CDH11: variants seen among roughly 807,000 people sequenced by gnomAD.
CDH11 encodes the protein cadherin-11.
CDH11 carries 11 observed loss-of-function variants against 67.8 expected under a neutral mutation model. That is an observed-to-expected ratio of 0.16 (90% confidence interval 0.10 to 0.27). The LOEUF is 0.27. Ranked by LOEUF, CDH11 falls within the 10% of genes least tolerant of loss-of-function variation. The pLI is 1.00. For synonymous variants in CDH11, 419 were observed against 400.0 expected (o/e 1.05, Z -0.57); for missense variants, 847 against 1,031.2 (o/e 0.82, Z 2.45).
intron 1 of CDH11, among the ~76,000 whole-genome samples, chr16:65,056,590 C>G (rs1254242054): frequency 6.6e-6 from 1 of 152,134 alleles, no homozygotes; most frequent in Non-Finnish European, 1.5e-5. Context: ...TATCCTTAAG[C>G]ACATATAACC....
chr16:65,001,363 A>C (rs2072915445), intron 3 of CDH11, among the ~76,000 whole-genome samples: 1 of 152,180 alleles, frequency 6.6e-6, no homozygotes, highest in Admixed American at 6.5e-5. Flanking sequence ...GAATTGCCCC[A>C]ATCTTCATTC....
intron 2 of CDH11, among the ~76,000 whole-genome samples, chr16:65,025,028 T>C (rs1457396230): frequency 6.6e-6 from 1 of 152,210 alleles, no homozygotes; most frequent in East Asian, 1.9e-4. Flanking sequence ...CCTGTCTCAG[T>C]CCAGCAGCAG....
intron 1 of CDH11, among the ~76,000 whole-genome samples, chr16:65,079,689 G>C (rs2074577127): frequency 6.6e-6 from 1 of 152,196 alleles, no homozygotes; most frequent in South Asian, 2.1e-4. Flanking sequence ...GTGTGCCCCA[G>C]TCACACCAGA....
chr16:65,085,417 C>A (rs1025152369), intron 1 of CDH11, among the ~76,000 whole-genome samples: 23 of 152,174 alleles, frequency 1.5e-4, no homozygotes, highest in African/African-American at 5.1e-4. Context: ...GTAATTATAC[C>A]TACCTCGTGG....
At chr16:65,068,044 A>G in intron 1 of CDH11, among the ~76,000 whole-genome samples, 1 of 107,124 alleles carries the variant, frequency 9.3e-6, no homozygotes, top group Non-Finnish European at 1.9e-5. Flanking sequence ...GGGAGGGAAG[A>G]AGGGAGGAAG....
intron 12 of CDH11, 118 bp from the exon 13 acceptor site, chr16:64,948,217 G>A: frequency 9.9e-6 from 13 of 1,318,260 alleles, no homozygotes; most frequent in Non-Finnish European, 1.3e-5. Flanking sequence ...ACAGGAAACA[G>A]TATAGGAAAT....
Position 64,946,448 on chromosome 16 carries a change from A to T in CDH11, c.*1155T>A. 1.9e-6 allele frequency: 2 copies of T among 1,032,710 alleles called. No individual in the cohort carries two copies. Among genetic ancestry groups the T allele is most frequent in the Non-Finnish European group, 2.3e-6 (2 of 858,430 alleles). 64.0% of individuals were successfully genotyped at this position (1,032,710 alleles called of 1,614,324 possible). A position where few individuals can be genotyped will look rare whatever the true frequency, so the allele number is the denominator to read the frequency against. Reference sequence around the variant, plus strand: ...ATCTCTCATAACCATCAAATTACTGATATACAAGATAAATGCATACTATAT... The same window carrying T: ...ATCTCTCATAACCATCAAATTACTGTTATACAAGATAAATGCATACTATAT... On this transcript the variant is annotated 3_prime_UTR_variant, in exon 13 of 13. Coordinates refer to ENST00000268603, the MANE Select transcript of CDH11 (RefSeq NM_001797.4).
chr16:64,948,705 G>A, intron 12 of CDH11: 1 of 1,605,722 alleles, frequency 6.2e-7, no homozygotes, highest in East Asian at 2.2e-5. Flanking sequence ...CTTTAACATA[G>A]GAAAATAGCA....
At chr16:65,031,635 C>A (rs114572719) in intron 2 of CDH11, among the ~76,000 whole-genome samples, 3 of 152,082 alleles carry the variant, frequency 2.0e-5, no homozygotes, top group African/African-American at 7.2e-5. Flanking sequence ...GATTTTGGAA[C>A]TGTGAAAACA....
chr16:65,071,832 G>A (rs1389690929), intron 1 of CDH11, among the ~76,000 whole-genome samples: 1 of 152,178 alleles, frequency 6.6e-6, no homozygotes, highest in Non-Finnish European at 1.5e-5. Context: ...AAAGAGCAAA[G>A]GCATACAGAG....
chr16:65,034,945 C>T (rs2073721672), intron 2 of CDH11, among the ~76,000 whole-genome samples: 2 of 152,200 alleles, frequency 1.3e-5, no homozygotes, highest in Non-Finnish European at 2.9e-5. Flanking sequence ...TTCCTCAAGT[C>T]CCCCTCGACC....
At chr16:65,024,864 T>C (rs987384361) in intron 2 of CDH11, among the ~76,000 whole-genome samples, 7 of 152,196 alleles carry the variant, frequency 4.6e-5, no homozygotes, top group Non-Finnish European at 8.8e-5. Context: ...GGGAACACAA[T>C]GCCAGGAAGA....
chr16:65,100,200 G>T (rs931378484), intron 1 of CDH11, among the ~76,000 whole-genome samples: 1 of 152,068 alleles, frequency 6.6e-6, no homozygotes, highest in Non-Finnish European at 1.5e-5. Flanking sequence ...AGAATATAGG[G>T]AAATTATCAT....
At chr16:65,096,531 GTA>G (rs991284594) in intron 1 of CDH11, among the ~76,000 whole-genome samples, 2 of 148,416 alleles carry the variant, frequency 1.3e-5, no homozygotes, top group African/African-American at 5.0e-5. Context: ...GTACATATAT[GTA>G]TATATACACA....
rs1339416150 is a variant in CDH11, at chr16:65,004,721, C to T, written c.149G>A (p.Arg50His). 6.2e-7 allele frequency: 1 copy of T among 1,613,818 alleles called. No individual in the cohort carries two copies. ...GTTCCAGACCCAGCCACGCTTGGAG[C>T]GCTGTAGCACCTGCCCCTCCTTGCC... is the stretch of plus-strand genomic sequence containing the variant. ...EKGKEGQVLQ[R>H]SKRGWVWNQF... Residue 50 changes from arginine (R) to histidine (H), a missense_variant, in exon 3 of 13, where the codon CGC (arginine) becomes CAC (histidine). Transcript: ENST00000268603.
At chr16:65,013,958 C>T (rs1017641691) in intron 2 of CDH11, among the ~76,000 whole-genome samples, 1 of 152,176 alleles carries the variant, frequency 6.6e-6, no homozygotes, top group African/African-American at 2.4e-5. Flanking sequence ...AATATAAAGT[C>T]TATGAAGGCG....
chr16:65,116,924 C>T (rs1183562466), intron 1 of CDH11, among the ~76,000 whole-genome samples: 2 of 152,174 alleles, frequency 1.3e-5, no homozygotes, highest in African/African-American at 4.8e-5. Flanking sequence ...GCAGAAACCT[C>T]GACCATACAG....
At chr16:64,998,966 G>T (rs1597073978) in intron 3 of CDH11, 110 bp from the exon 4 acceptor site, 1 of 887,516 alleles carries the variant, frequency 1.1e-6, no homozygotes, top group East Asian at 2.6e-5. Context: ...TCATGAAAGG[G>T]AGATGTTCTC....
At chr16:64,949,855 T>C (rs1449900314) in intron 12 of CDH11, among the ~76,000 whole-genome samples, 2 of 152,214 alleles carry the variant, frequency 1.3e-5, no homozygotes, top group Admixed American at 6.5e-5. Flanking sequence ...AGAGATCTCA[T>C]AGACTTCTTC....
Sources: allele counts gnomAD v4.1 joint callset (sites outside exome capture counted in the v4.1 genomes callset), GRCh38; gene constraint gnomAD v4.1.1; transcripts MANE v1.5; gene names NCBI Gene and HGNC (gene_info 2026-07-23, HGNC 2026-07-21).